Variants in TMPRSS9 observed in about 807,000 individuals in gnomAD.
TMPRSS9 encodes transmembrane protease serine 9.
A neutral mutation model predicts 111.4 loss-of-function variants in TMPRSS9; 113 were observed. The ratio of observed to expected loss-of-function variants is 1.01; its 90% CI spans 0.87 to 1.19. TMPRSS9 has a LOEUF of 1.19. Among genes scored for constraint, TMPRSS9 ranks in the 50% most tolerant of loss-of-function variants. The pLI is 0.00. For missense variants in TMPRSS9, 1,803 were observed against 1,513.1 expected, an observed-to-expected ratio of 1.19 and a Z score of -3.18; for synonymous variants, 805 against 659.1, an observed-to-expected ratio of 1.22 and a Z score of -3.39.
chr19:2,419,707 T>C (rs1237299022), intron 13 of TMPRSS9, among the ~76,000 whole-genome samples: 1 of 151,282 alleles, frequency 6.6e-6, no homozygotes, highest in African/African-American at 2.4e-5. Flanking sequence ...AGTAGAGACG[T>C]GGTTTCACCA....
At chr19:2,363,075 C>A (rs953377965) in intron 1 of TMPRSS9, among the ~76,000 whole-genome samples, 1 of 152,192 alleles carries the variant, frequency 6.6e-6, no homozygotes, top group Admixed American at 6.5e-5. Flanking sequence ...CAGAGCCTCA[C>A]GCCGCCTGCT....
At chr19:2,373,772 T>G (rs1970309076) in intron 1 of TMPRSS9, among the ~76,000 whole-genome samples, 1 of 152,240 alleles carries the variant, frequency 6.6e-6, no homozygotes, top group Non-Finnish European at 1.5e-5. Context: ...GGCGCTGGGA[T>G]TACAGGCATG....
chr19:2,421,730 C>T (rs1021966261), intron 13 of TMPRSS9, 124 bp from the exon 15 acceptor site: 58 of 1,063,068 alleles, frequency 5.5e-5, no homozygotes, highest in Middle Eastern at 3.2e-4. Flanking sequence ...TCCAGACCCG[C>T]GCTGTGCCCT....
rs1188486505 is a variant in TMPRSS9 at position 2,424,080 on chromosome 19, C to A, written c.2549-9C>A. 2.7e-5 allele frequency: 34 copies of A among 1,270,172 alleles called. No individual in the cohort carries two copies. Among genetic ancestry groups the A allele is most frequent in the Admixed American group, 8.3e-5 (2 of 24,090 alleles). 78.7% of individuals were successfully genotyped at this position (1,270,172 alleles called of 1,614,324 possible). ...GGTCCGCCTGCCCACGCGCCTGGCT[C>A]CCCCGCAGACTGTGGCCTGGCGCCG... On this transcript the variant is annotated splice_polypyrimidine_tract_variant and intron_variant, in intron 14 of 17. Transcript: ENST00000648592.
chr19:2,396,546 C>T (rs569260962), exon 2 of TMPRSS9: 41 of 1,607,014 alleles, frequency 2.6e-5, no homozygotes, highest in East Asian at 9.0e-5. Flanking sequence ...CAGCCTTCCT[C>T]TCTACACAGG....
At chr19:2,370,239 G>A (rs897311487) in intron 1 of TMPRSS9, among the ~76,000 whole-genome samples, 2 of 148,396 alleles carry the variant, frequency 1.3e-5, no homozygotes, top group Non-Finnish European at 3.0e-5. Context: ...CTAACACGGT[G>A]AAACCCTGTC....
intron 13 of TMPRSS9, among the ~76,000 whole-genome samples, chr19:2,419,444 T>C (rs1397786419): frequency 6.6e-6 from 1 of 151,704 alleles, no homozygotes; most frequent in Non-Finnish European, 1.5e-5. Flanking sequence ...TGTCGTGATC[T>C]GCCCACCTGG....
chr19:2,400,744 T>C (rs1332353870), intron 4 of TMPRSS9, among the ~76,000 whole-genome samples: 4 of 151,310 alleles, frequency 2.6e-5, no homozygotes, highest in Non-Finnish European at 5.9e-5. Context: ...GAGGCCGAGG[T>C]GGGTGGATCA....
At chr19:2,392,300 G>C (rs1970614883) in intron 1 of TMPRSS9, among the ~76,000 whole-genome samples, 1 of 152,112 alleles carries the variant, frequency 6.6e-6, no homozygotes. Flanking sequence ...GACTGAGGTG[G>C]GAGGATTGCT....
At chr19:2,417,923 C>G (rs529632588) in intron 12 of TMPRSS9, 79 bp from the exon 14 acceptor site, 2 of 1,567,300 alleles carry the variant, frequency 1.3e-6, no homozygotes, top group East Asian at 4.5e-5. Flanking sequence ...TGCTGCATCT[C>G]GGGGCTGTTA....
upstream of TMPRSS9, among the ~76,000 whole-genome samples, chr19:2,387,984 T>C (rs1335647489): frequency 1.3e-5 from 2 of 152,026 alleles, no homozygotes; most frequent in African/African-American, 2.4e-5. Context: ...GCACAGATGG[T>C]GAGGAATGAC....
intron 1 of TMPRSS9, among the ~76,000 whole-genome samples, chr19:2,379,181 CTTTTTTTTTTTTT>C (rs919990556): frequency 1.0e-5 from 1 of 99,422 alleles, no homozygotes. Context: ...GCTTCTTTCT[CTTTTTTTTTTTTT>C]TTTTTTTTTG....
rs75373605 is a variant in TMPRSS9, at chr19:2,376,007, G to T, written c.-25-13754G>T. Reference sequence around the variant, plus strand: ...AGTAAACCATTCGGCTCTCTCCGAAGTCAGCATCGAGTAGCATTGTCCCCA... The same window carrying T: ...AGTAAACCATTCGGCTCTCTCCGAATTCAGCATCGAGTAGCATTGTCCCCA... On this transcript the variant is annotated intron_variant, in intron 1 of 17. Coordinates refer to the TMPRSS9 transcript ENST00000649857. Among the ~76,000 whole-genome samples the T allele has an allele frequency of 3.1e-3, 477 of 152,232 alleles. 3 individuals are homozygous for T. The highest frequency in any genetic ancestry group is 4.6e-3 in the Non-Finnish European group (312 of 68,014).
intron 14 of TMPRSS9, 87 bp from the exon 16 acceptor site, chr19:2,424,002 G>C (rs1971529508): frequency 8.1e-7 from 1 of 1,231,222 alleles, no homozygotes; most frequent in Non-Finnish European, 1.0e-6. Flanking sequence ...GGCTCCCAGG[G>C]GGATTCGTGG....
chr19:2,390,877 T>A (rs1424335244), intron 1 of TMPRSS9, among the ~76,000 whole-genome samples: 1 of 150,710 alleles, frequency 6.6e-6, no homozygotes, highest in East Asian at 2.0e-4. Flanking sequence ...TAATAATAAA[T>A]TTAAAATAAG....
rs1439458733 is a variant in TMPRSS9 at position 2,425,284 on chromosome 19, C to T, written c.2983+17C>T. 40 of 1,233,172 alleles carry T rather than the reference C, an allele frequency of 3.2e-5. No homozygotes were observed. Among genetic ancestry groups the T allele is most frequent in the Non-Finnish European group, 3.9e-5 (38 of 985,672 alleles). The allele number at this position is 1,233,172 out of a possible 1,614,324, so 76.4% of individuals were successfully genotyped here. A position where few individuals can be genotyped will look rare whatever the true frequency, so the allele number is the denominator to read the frequency against. ...GCGAAGGAGGTAGGCGCGCCCGGGG[C>T]CGCGGTGGTGCGGGGCTCGGGGGGC... On this transcript the variant is annotated intron_variant, in intron 16 of 17. Transcript: ENST00000648592.
chr19:2,407,172 TC>T (rs1347117379), intron 7 of TMPRSS9, among the ~76,000 whole-genome samples: 2 of 152,002 alleles, frequency 1.3e-5, no homozygotes, highest in Non-Finnish European at 2.9e-5. Flanking sequence ...CATGGCTGGC[TC>T]CCCTCACCCT....
At chr19:2,407,020 G>A (rs917293652) in intron 7 of TMPRSS9, among the ~76,000 whole-genome samples, 2 of 151,334 alleles carry the variant, frequency 1.3e-5, no homozygotes, top group African/African-American at 4.9e-5. Flanking sequence ...GGCTGGTCTT[G>A]AACTCCTGGC....
At chr19:2,417,900 TGTGGG>T in intron 12 of TMPRSS9, 97 bp from the exon 14 acceptor site, 1 of 1,469,952 alleles carries the variant, frequency 6.8e-7, no homozygotes. Flanking sequence ...TTTCTTCGTC[TGTGGG>T]GTGGGGATGC....
Sources: allele counts gnomAD v4.1 joint callset (sites outside exome capture counted in the v4.1 genomes callset), GRCh38; gene constraint gnomAD v4.1.1; transcripts MANE v1.5; gene names NCBI Gene and HGNC (gene_info 2026-07-23, HGNC 2026-07-21).